Variants in VAT1L observed in about 807,000 individuals in gnomAD.
The protein encoded by VAT1L is vesicle amine transport 1 like, also known as putative NADPH-dependent quinone oxidoreductase VAT1L.
Under a neutral mutation model 44.1 loss-of-function variants are expected in VAT1L, and 34 were observed. The observed-to-expected ratio is 0.77, with a 90% CI of 0.59 to 1.03. The LOEUF (loss-of-function observed/expected upper bound fraction) is 1.03. VAT1L is among the 50% of genes least tolerant of loss of function. The pLI is 0.00. For synonymous variants in VAT1L, 253 were observed against 202.2 expected, an observed-to-expected ratio of 1.25 and a Z score of -2.13; for missense variants, 615 against 538.8, an observed-to-expected ratio of 1.14 and a Z score of -1.40.
rs116588506 is a variant in VAT1L at position 77,949,202 on chromosome 16, C to T, written c.1078-22648C>T. 6.9e-3 allele frequency among the ~76,000 whole-genome samples: 1,053 copies of T among 152,262 alleles called. 17 individuals are homozygous for T. The highest frequency in any genetic ancestry group is 0.024 in the African/African-American group (983 of 41,544). The stretch of plus-strand genomic sequence containing the variant: ...GCAGTGACAGAGTGGAGACAATACA[C>T]ACGTGGAGATTAGAGCCAAGATCTC... On this transcript the variant is annotated intron_variant, in intron 7 of 8. Transcript: ENST00000302536.
In VAT1L at chr16:77,902,900, G is replaced by A. The variant is rs1043443548; in HGVS notation, c.1077+18098G>A. ...AGGCAGCAGAACCACTTGAACCCGGGCGGCTGAGATTTCAGTGAGCTGAGA... is the reference window on the plus strand; with the variant it reads ...AGGCAGCAGAACCACTTGAACCCGGACGGCTGAGATTTCAGTGAGCTGAGA... On this transcript the variant is annotated intron_variant, in intron 7 of 8. Transcript: ENST00000302536. Among the ~76,000 whole-genome samples the A allele has an allele frequency of 7.9e-5, 12 of 151,190 alleles. No individual in the cohort carries two copies. In the East Asian group the frequency reaches 2.1e-3, roughly 27 times the overall value.
At chr16:77,791,376 G>T (rs2015832563) in intron 1 of VAT1L, among the ~76,000 whole-genome samples, 3 of 152,164 alleles carry the variant, frequency 2.0e-5, no homozygotes, top group African/African-American at 7.2e-5. Context: ...CTGGAATGAC[G>T]TTCCAAGTTG....
At chr16:77,892,487 G>A (rs781496105) in intron 7 of VAT1L, 9 of 538,392 alleles carry the variant, frequency 1.7e-5, no homozygotes, top group Non-Finnish European at 3.0e-5. Context: ...TGTCTCCTTT[G>A]AGCTGTTTGC....
At chr16:77,814,653 A>G (rs758849017) in intron 1 of VAT1L, among the ~76,000 whole-genome samples, 22 of 152,244 alleles carry the variant, frequency 1.4e-4, no homozygotes, top group Non-Finnish European at 2.6e-4. Context: ...CATGAAAAGA[A>G]AAACACAATG....
intron 7 of VAT1L, among the ~76,000 whole-genome samples, chr16:77,893,710 T>C (rs2142469425): frequency 6.6e-6 from 1 of 152,350 alleles, no homozygotes; most frequent in Non-Finnish European, 1.5e-5. Flanking sequence ...ATCCAGGTAT[T>C]ATTATCCCCA....
intron 7 of VAT1L, among the ~76,000 whole-genome samples, chr16:77,910,629 G>A (rs543991164): frequency 1.9e-4 from 27 of 140,256 alleles, no homozygotes; most frequent in Middle Eastern, 4.1e-3. Context: ...AGCCGAGATC[G>A]CTCCACTGCA....
At chr16:77,958,366 C>G (rs947640773) in intron 7 of VAT1L, among the ~76,000 whole-genome samples, 2 of 152,186 alleles carry the variant, frequency 1.3e-5, no homozygotes, top group Non-Finnish European at 2.9e-5. Context: ...CTCTTACACA[C>G]TGCGCAACAG....
At chr16:77,939,912 C>T (rs1469308783) in intron 7 of VAT1L, among the ~76,000 whole-genome samples, 5 of 152,148 alleles carry the variant, frequency 3.3e-5, no homozygotes, top group Admixed American at 6.6e-5. Context: ...GCTTTATATA[C>T]AATGATCAAT....
chr16:77,951,853 A>C (rs1037872756), intron 7 of VAT1L, among the ~76,000 whole-genome samples: 5 of 149,074 alleles, frequency 3.4e-5, no homozygotes, highest in African/African-American at 9.8e-5. Context: ...AAAAAAAAAA[A>C]CACGAAAAAA....
intron 3 of VAT1L, 44 bp from the exon 4 acceptor site, chr16:77,862,704 T>C: frequency 6.3e-7 from 1 of 1,592,470 alleles, no homozygotes; most frequent in Non-Finnish European, 8.5e-7. Flanking sequence ...GGCTATGATC[T>C]GGTGGCTCCT....
In VAT1L at chr16:77,979,044, T is replaced by C. The variant is rs1469837484; in HGVS notation, c.*1349T>C. On this transcript the variant is annotated 3_prime_UTR_variant, in exon 9 of 9. Coordinates refer to ENST00000302536, the MANE Select transcript of VAT1L (RefSeq NM_020927.3). ...GTTCTGAAAAACATCAGAGGGATTT[T>C]ACATTGCCCAGTTTCTCCACCAACA... The C allele has an allele frequency of 6.6e-6, 1 of 152,358 alleles. No homozygotes were observed. The highest frequency in any genetic ancestry group is 6.5e-5 in the Admixed American group (1 of 15,286). 9.4% of individuals were successfully genotyped at this position (152,358 alleles called of 1,614,324 possible).
chr16:77,834,731 G>C (rs1366052412), intron 3 of VAT1L, among the ~76,000 whole-genome samples: 1 of 152,032 alleles, frequency 6.6e-6, no homozygotes, highest in African/African-American at 2.4e-5. Context: ...CCAGGCCCTT[G>C]ACATCACCTA....
At chr16:77,910,871 G>T (rs1423917249) in intron 7 of VAT1L, among the ~76,000 whole-genome samples, 2 of 152,124 alleles carry the variant, frequency 1.3e-5, no homozygotes, top group African/African-American at 4.8e-5. Flanking sequence ...GGCATTCTAA[G>T]AGCATTACGA....
intron 3 of VAT1L, among the ~76,000 whole-genome samples, chr16:77,845,573 T>C (rs2016750504): frequency 6.6e-6 from 1 of 152,120 alleles, no homozygotes; most frequent in Non-Finnish European, 1.5e-5. Context: ...TGTGGGGAAA[T>C]TCAAACCCTT....
chr16:77,928,270 A>G (rs1299406411), intron 7 of VAT1L, among the ~76,000 whole-genome samples: 1 of 152,084 alleles, frequency 6.6e-6, no homozygotes, highest in African/African-American at 2.4e-5. Context: ...CCTCTAGCAA[A>G]TGTGTGTGTG....
intron 7 of VAT1L, among the ~76,000 whole-genome samples, chr16:77,910,541 G>A (rs958123660): frequency 1.4e-4 from 22 of 151,908 alleles, no homozygotes; most frequent in African/African-American, 5.1e-4. Flanking sequence ...GGGCATGGTG[G>A]CGGCTGCCTG....
chr16:77,847,875 G>A (rs1041304183), intron 3 of VAT1L, among the ~76,000 whole-genome samples: 2 of 152,176 alleles, frequency 1.3e-5, no homozygotes, highest in African/African-American at 4.8e-5. Context: ...TTATACAAAA[G>A]TAGGCTGTCA....
intron 1 of VAT1L, among the ~76,000 whole-genome samples, chr16:77,809,646 G>C (rs1309486381): frequency 1.3e-5 from 2 of 152,198 alleles, no homozygotes; most frequent in African/African-American, 2.4e-5. Flanking sequence ...TGTACTCAAG[G>C]CTCATCCCCT....
chr16:77,925,302 G>A (rs977253995), intron 7 of VAT1L, among the ~76,000 whole-genome samples: 2 of 152,090 alleles, frequency 1.3e-5, no homozygotes, highest in African/African-American at 4.8e-5. Flanking sequence ...TGCAGAATTG[G>A]CCAAACCATC....
Sources: allele counts gnomAD v4.1 joint callset (sites outside exome capture counted in the v4.1 genomes callset), GRCh38; gene constraint gnomAD v4.1.1; transcripts MANE v1.5; gene names NCBI Gene and HGNC (gene_info 2026-07-23, HGNC 2026-07-21).